The following BICRA variants were observed in gnomAD, a reference collection of about 807,000 sequenced individuals.
BICRA encodes the protein BRD4-interacting chromatin-remodeling complex-associated protein.
A neutral mutation model predicts 96.9 loss-of-function variants in BICRA; 31 were observed. The ratio of observed to expected loss-of-function variants is 0.32; its 90% confidence interval spans 0.24 to 0.43. BICRA has a LOEUF of 0.43. Ranked by LOEUF, BICRA falls within the 20% of genes least tolerant of loss-of-function variation. BICRA has a pLI of 1.00. For synonymous variants in BICRA, 1,350 were observed against 1,071.8 expected, an observed-to-expected ratio of 1.26 and a Z score of -5.07; for missense variants, 2,283 against 2,190.3, an observed-to-expected ratio of 1.04 and a Z score of -0.84.
intron 7 of BICRA, among the ~76,000 whole-genome samples, chr19:47,693,770 T>C (rs575437600): frequency 6.6e-6 from 1 of 152,282 alleles, no homozygotes; most frequent in East Asian, 1.9e-4. Flanking sequence ...CCACTGCCTC[T>C]GCTTCCTCTG....
intron 1 of BICRA, among the ~76,000 whole-genome samples, chr19:47,652,459 A>T (rs1972554310): frequency 1.3e-5 from 2 of 152,120 alleles, no homozygotes; most frequent in African/African-American, 2.4e-5. Context: ...AAGTGCTGGG[A>T]TTACAGGTGT....
chr19:47,684,598 G>T (rs747030224), intron 7 of BICRA, among the ~76,000 whole-genome samples: 3 of 152,208 alleles, frequency 2.0e-5, no homozygotes, highest in Non-Finnish European at 4.4e-5. Flanking sequence ...GGGATGACAG[G>T]TGTGAGACAC....
At chr19:47,697,131 C>T (rs1381624552) in intron 11 of BICRA, among the ~76,000 whole-genome samples, 1 of 152,056 alleles carries the variant, frequency 6.6e-6, no homozygotes, top group Non-Finnish European at 1.5e-5. Flanking sequence ...CCCAGCCTCC[C>T]AAGTAGCTGT....
chr19:47,646,834 A>G (rs187582283), intron 1 of BICRA, among the ~76,000 whole-genome samples: 95 of 152,330 alleles, frequency 6.2e-4, no homozygotes, highest in African/African-American at 2.2e-3. Context: ...ACCCATGTAA[A>G]TCGTTCACCA....
intron 2 of BICRA, among the ~76,000 whole-genome samples, chr19:47,673,343 G>C (rs1485611266): frequency 6.6e-6 from 1 of 152,106 alleles, no homozygotes; most frequent in Non-Finnish European, 1.5e-5. Flanking sequence ...ATCATCATCA[G>C]GTGCTGGGAG....
chr19:47,631,002 A>G (rs901730393), intron 1 of BICRA, among the ~76,000 whole-genome samples: 4 of 152,172 alleles, frequency 2.6e-5, no homozygotes, highest in East Asian at 1.9e-4. Context: ...ACATATTTCA[A>G]GTGCTCAAAT....
Position 47,656,069 on chromosome 19 carries a change from G to GACACACACACACACACACACAC in BICRA, c.-107-14353_-107-14332dup, listed in dbSNP as rs60179476. Among the ~76,000 whole-genome samples, 8 of 132,242 alleles carry GACACACACACACACACACACAC rather than the reference G, an allele frequency of 6.0e-5. No individual in the cohort carries two copies. In the Admixed American group the frequency reaches 6.3e-4, roughly 10 times the overall value. The allele number at this position is 132,242 out of a possible 152,430, so 86.8% of individuals were successfully genotyped here. ...GGGGAACATGGTGAGATCCTGTCTC[G>GACACACACACACACACACACAC]ACACACACACACACACACACACACA... On this transcript the variant is annotated intron_variant, in intron 1 of 14. Coordinates refer to ENST00000594866, the MANE Select transcript of BICRA (RefSeq NM_001394372.1).
At chr19:47,691,066 A>G (rs1373382944) in intron 7 of BICRA, among the ~76,000 whole-genome samples, 1 of 152,230 alleles carries the variant, frequency 6.6e-6, no homozygotes, top group East Asian at 1.9e-4. Context: ...ATCTGAAAGC[A>G]GCTTAGCTAG....
chr19:47,639,026 CAG>C (rs547533519), intron 1 of BICRA, among the ~76,000 whole-genome samples: 1 of 151,864 alleles, frequency 6.6e-6, no homozygotes, highest in Non-Finnish European at 1.5e-5. Context: ...GTTTTTGAGA[CAG>C]GGTCTCGCTC....
chr19:47,667,779 A>T (rs1156367354), intron 1 of BICRA, among the ~76,000 whole-genome samples: 1 of 152,214 alleles, frequency 6.6e-6, no homozygotes, highest in Non-Finnish European at 1.5e-5. Context: ...TCATAAAATG[A>T]TAACAGAGAC....
intron 1 of BICRA, among the ~76,000 whole-genome samples, chr19:47,620,744 C>G (rs1972053986): frequency 6.6e-6 from 1 of 151,168 alleles, no homozygotes. Context: ...GAAAAATGAC[C>G]ATCCCTGGGC....
chr19:47,694,257 G>A lies in BICRA; in HGVS notation c.2426G>A (p.Ser809Asn). ...TCCCGCCCACCCTCCCGGCCACAGA[G>A]TGTGTCCCGCCCTCCCTCAGAGCCA... ...PPSRPPSRPQSVSRPPSEPPL... is the reference protein window; with the variant it reads ...PPSRPPSRPQNVSRPPSEPPL... The change falls in exon 8 of 15, where the codon AGT (serine) becomes AAT (asparagine). Residue 809 changes from serine (S) to asparagine (N), a missense_variant. Transcript: ENST00000594866. The A allele has an allele frequency of 2.0e-6, 1 of 508,986 alleles. No homozygotes were observed. 31.5% of individuals were successfully genotyped at this position (508,986 alleles called of 1,614,324 possible).
chr19:47,650,031 C>T (rs1216961646), intron 1 of BICRA, among the ~76,000 whole-genome samples: 1 of 152,080 alleles, frequency 6.6e-6, no homozygotes, highest in East Asian at 1.9e-4. Context: ...AGCTCACTGC[C>T]ACCTCCACCT....
At position 47,694,676 on chromosome 19, in the gene BICRA, C is replaced by A; in HGVS notation, c.2845C>A (p.Pro949Thr). The change falls in exon 8 of 15, where the codon CCC becomes ACC. Residue 949 changes from proline (P) to threonine (T), a missense_variant. Physicochemically the swap from Pro to Thr is conservative, Grantham distance 38. Coordinates refer to ENST00000594866, the MANE Select transcript of BICRA (RefSeq NM_001394372.1). ...TCGGACCTTCCAGATGGTGACCACC[C>A]CCTTCCCAGCGCTGCCCCAGCCGAA... is the stretch of plus-strand genomic sequence containing the variant. ...PPRTFQMVTT[P>T]FPALPQPKAL... 6.3e-7 allele frequency: 1 copy of A among 1,596,586 alleles called. No homozygotes were observed. Among genetic ancestry groups the A allele is most frequent in the Non-Finnish European group, 8.6e-7 (1 of 1,167,678 alleles).
chr19:47,645,405 G>C (rs376093443), intron 1 of BICRA, among the ~76,000 whole-genome samples: 1 of 152,178 alleles, frequency 6.6e-6, no homozygotes, highest in Admixed American at 6.6e-5. Context: ...GCCTTTGAAA[G>C]GGACATTCTG....
intron 1 of BICRA, among the ~76,000 whole-genome samples, chr19:47,609,486 C>A (rs1338507534): frequency 1.3e-5 from 2 of 150,810 alleles, no homozygotes; most frequent in Non-Finnish European, 3.0e-5. Context: ...GACCCCCCCC[C>A]AACCGGCTTC....
chr19:47,646,775 C>CT (rs150237451), intron 1 of BICRA, among the ~76,000 whole-genome samples: 3,102 of 152,126 alleles, frequency 0.02, 85 homozygotes, highest in African/African-American at 0.067. Flanking sequence ...ACAGTTATTC[C>CT]TTTTTTTTAA....
At chr19:47,685,704 C>G (rs1447465450) in intron 7 of BICRA, among the ~76,000 whole-genome samples, 2 of 150,334 alleles carry the variant, frequency 1.3e-5, no homozygotes, top group African/African-American at 4.9e-5. Flanking sequence ...TCGGAAGGAA[C>G]TCTGTGCTCT....
chr19:47,679,080 A>T (rs549823759), intron 5 of BICRA: 3 of 363,618 alleles, frequency 8.3e-6, no homozygotes, highest in Admixed American at 4.6e-5. Context: ...TTTCTTTTTT[A>T]AAATTTTTTT....
Sources: allele counts gnomAD v4.1 joint callset (sites outside exome capture counted in the v4.1 genomes callset), GRCh38; gene constraint gnomAD v4.1.1; transcripts MANE v1.5; gene names NCBI Gene and HGNC (gene_info 2026-07-23, HGNC 2026-07-21).